The following NBAS variants were observed in gnomAD, a reference collection of about 807,000 sequenced individuals.
The protein encoded by NBAS is NBAS subunit of NRZ tethering complex, also known as NAG/BC035112 fusion.
A neutral mutation model predicts 302.5 loss-of-function variants in NBAS; 219 were observed. The ratio of observed to expected loss-of-function variants is 0.72; its 90% CI spans 0.65 to 0.81. NBAS has a LOEUF of 0.81. Ranked by LOEUF, NBAS falls within the 30% of genes least tolerant of loss-of-function variation. The pLI is 0.00. For synonymous variants in NBAS, 1,118 were observed against 1,021.6 expected (o/e 1.09, Z -1.80); for missense variants, 2,932 against 2,841.6 (o/e 1.03, Z -0.72).
chr2:15,275,407 T>A, intron 44 of NBAS, 77 bp downstream of exon 44: 3 of 1,416,558 alleles, frequency 2.1e-6, no homozygotes, highest in Non-Finnish European at 2.9e-6. Flanking sequence ...GAAACAAAAA[T>A]AAAATCTACA....
Position 15,554,133 on chromosome 2 carries a change from G to A in NBAS, c.215C>T (p.Ala72Val), listed in dbSNP as rs1294229266. 2.5e-6 allele frequency: 4 copies of A among 1,613,108 alleles called. No homozygotes were observed. Among genetic ancestry groups the A allele is most frequent in the East Asian group, 4.5e-5 (2 of 44,856 alleles). Residue 72 changes from alanine (A) to valine (V), a missense_variant, in exon 4 of 52, where the codon GCA becomes GTA. Physicochemically the swap from Ala to Val is moderately conservative, Grantham distance 64. Coordinates refer to ENST00000281513, the MANE Select transcript of NBAS (RefSeq NM_015909.4). ...FLRQYIWYSP[A>V]PFLLPDGLVR... ...CAGTCCATCAGGGAGCAAAAAAGGTGCCGGGCTGAAATCACAACACATTAG... is the reference window on the plus strand; with the variant it reads ...CAGTCCATCAGGGAGCAAAAAAGGTACCGGGCTGAAATCACAACACATTAG...
intron 30 of NBAS, among the ~76,000 whole-genome samples, chr2:15,377,160 T>C (rs935796112): frequency 6.6e-6 from 1 of 152,130 alleles, no homozygotes; most frequent in Non-Finnish European, 1.5e-5. Flanking sequence ...GAGATAGGCA[T>C]AGGGTAAATA....
intron 28 of NBAS, among the ~76,000 whole-genome samples, chr2:15,390,580 G>A (rs1355864445): frequency 1.3e-5 from 2 of 148,336 alleles, no homozygotes; most frequent in African/African-American, 5.0e-5. Context: ...CACGCTAAAA[G>A]AGTAGATTTT....
At chr2:15,421,228 G>C (rs1677198833) in intron 23 of NBAS, among the ~76,000 whole-genome samples, 1 of 152,188 alleles carries the variant, frequency 6.6e-6, no homozygotes, top group African/African-American at 2.4e-5. Context: ...TTGTGCAAGT[G>C]ATAGTCTGAA....
chr2:15,275,487 G>A lies in NBAS; in HGVS notation c.5721C>T (p.Thr1907=), dbSNP rs1405917726. The change falls in exon 44 of 52, where the codon ACC becomes ACT. Residue 1907 remains threonine, a synonymous_variant. Coordinates refer to ENST00000281513, the MANE Select transcript of NBAS (RefSeq NM_015909.4). ...DAVTFSPKAV[T]KLSVEARKEM... ...TTTAAAATATCTTTTTGTTTACCTT[G>A]GTCACAGCTTTTGGAGAAAATGTAA... 1 of 1,613,716 alleles carries A rather than the reference G, an allele frequency of 6.2e-7. No individual in the cohort carries two copies.
At chr2:15,032,509 G>A in the NBAS span, among the ~76,000 whole-genome samples, 3 of 152,218 alleles carry the variant, frequency 2.0e-5, no homozygotes, top group Non-Finnish European at 4.4e-5. Context: ...CTAAACTGGT[G>A]TTGAAGGAGT....
intron 38 of NBAS, among the ~76,000 whole-genome samples, chr2:15,321,717 G>T (rs1218819678): frequency 6.6e-6 from 1 of 152,154 alleles, no homozygotes; most frequent in Non-Finnish European, 1.5e-5. Context: ...AGTTAGAATG[G>T]CGATCGTTAA....
intron 9 of NBAS, among the ~76,000 whole-genome samples, chr2:15,525,319 C>G (rs1016847798): frequency 6.6e-5 from 10 of 152,134 alleles, no homozygotes; most frequent in Admixed American, 3.3e-4. Flanking sequence ...TCTATACTGA[C>G]CCTCCTTGGT....
chr2:15,019,195 C>A, the NBAS span, among the ~76,000 whole-genome samples: 1 of 152,152 alleles, frequency 6.6e-6, no homozygotes, highest in Non-Finnish European at 1.5e-5. Context: ...TGGGTCTCTA[C>A]AATCAGAGCC....
the NBAS span, among the ~76,000 whole-genome samples, chr2:15,042,789 C>G: frequency 2.0e-5 from 3 of 152,178 alleles, no homozygotes; most frequent in African/African-American, 7.2e-5. Flanking sequence ...TCTTCACACA[C>G]CAATTAATAA....
the NBAS span, among the ~76,000 whole-genome samples, chr2:15,026,708 CA>C: frequency 6.6e-6 from 1 of 151,934 alleles, no homozygotes; most frequent in Non-Finnish European, 1.5e-5. Context: ...TTTGGGTTTG[CA>C]GTTTTAGTTA....
chr2:14,783,312 C>CT, the NBAS span, among the ~76,000 whole-genome samples: 2 of 151,080 alleles, frequency 1.3e-5, no homozygotes, highest in Non-Finnish European at 1.5e-5. Flanking sequence ...CCTCCAAATT[C>CT]TTTTTTTTAT....
chr2:15,047,599 AGCTGGACCCATGCAGATGAAG>A, the NBAS span, among the ~76,000 whole-genome samples: 2 of 69,264 alleles, frequency 2.9e-5, no homozygotes, highest in South Asian at 1.1e-3. Context: ...TGCAGGTAAA[AGCTGGACCCATGCAGATGAAG>A]GCTGGGCCCA....
intron 3 of NBAS, 60 bp downstream of exon 3, chr2:15,556,723 T>C (rs1402837097): frequency 2.8e-6 from 4 of 1,421,390 alleles, no homozygotes; most frequent in African/African-American, 1.4e-5. Context: ...AAATCATATA[T>C]AGAACAATAT....
At chr2:14,890,663 C>A in the NBAS span, 1 of 152,068 alleles carries the variant, frequency 6.6e-6, no homozygotes, top group Non-Finnish European at 1.5e-5. Flanking sequence ...ACTAAAAATA[C>A]AAAAATTAGC....
At chr2:14,941,036 CA>C in the NBAS span, among the ~76,000 whole-genome samples, 1 of 152,152 alleles carries the variant, frequency 6.6e-6, no homozygotes, top group Non-Finnish European at 1.5e-5. Flanking sequence ...CATTTGTGAA[CA>C]AAACTGACAA....
At chr2:15,028,239 C>T in the NBAS span, among the ~76,000 whole-genome samples, 1 of 152,136 alleles carries the variant, frequency 6.6e-6, no homozygotes, top group Non-Finnish European at 1.5e-5. Flanking sequence ...CAGTGGCTTT[C>T]GAACTCTGGT....
intron 21 of NBAS, among the ~76,000 whole-genome samples, chr2:15,448,883 A>C (rs1678875755): frequency 6.6e-6 from 1 of 152,228 alleles, no homozygotes; most frequent in Non-Finnish European, 1.5e-5. Flanking sequence ...AGTTTTACAT[A>C]CTAATGAAAT....
At chr2:14,836,139 G>A in the NBAS span, among the ~76,000 whole-genome samples, 12 of 151,820 alleles carry the variant, frequency 7.9e-5, no homozygotes, top group Non-Finnish European at 1.6e-4. Context: ...TTTCCACTGG[G>A]TGGTCTATCT....
Sources: gnomAD v4.1 joint callset for allele counts (sites outside exome capture counted in the v4.1 genomes callset) on GRCh38, gnomAD v4.1.1 for gene constraint, MANE v1.5 for transcripts, NCBI Gene and HGNC (gene_info 2026-07-23, HGNC 2026-07-21) for gene names.